Variants in CAST observed in about 807,000 individuals in gnomAD.
CAST encodes MIR583 host.
A neutral mutation model predicts 119.6 loss-of-function variants in CAST; 76 were observed. The ratio of observed to expected loss-of-function variants is 0.64; its 90% CI spans 0.53 to 0.77. CAST has a LOEUF of 0.77. Ranked by LOEUF, CAST falls within the 30% of genes least tolerant of loss-of-function variation. CAST has a pLI of 0.00. For missense variants in CAST, 953 were observed against 946.5 expected (o/e 1.01, Z -0.09); for synonymous variants, 319 against 331.6 (o/e 0.96, Z 0.41).
chr5:96,418,896 A>C, the CAST span, among the ~76,000 whole-genome samples: 2 of 152,138 alleles, frequency 1.3e-5, no homozygotes, highest in African/African-American at 4.8e-5. Flanking sequence ...CCATCGGATG[A>C]TATTATTCTT....
At chr5:96,047,852 G>T in the CAST span, among the ~76,000 whole-genome samples, 4 of 152,166 alleles carry the variant, frequency 2.6e-5, no homozygotes, top group Non-Finnish European at 4.4e-5. Flanking sequence ...AATGAGGGAA[G>T]CCTGCTCTGG....
At chr5:96,510,989 C>G in the CAST span, among the ~76,000 whole-genome samples, 6 of 152,140 alleles carry the variant, frequency 3.9e-5, no homozygotes, top group Admixed American at 3.3e-4. Flanking sequence ...TCCCTCTCTC[C>G]TCTCTCTGAT....
In CAST at chr5:96,767,501, T is replaced by C; in HGVS notation, c.2175+19T>C. On this transcript the variant is annotated intron_variant, in intron 28 of 31. Coordinates refer to ENST00000675179, the MANE Select transcript of CAST (RefSeq NM_001750.7). ...TTCAAAGGTAAAGACCATAGGAACA[T>C]ATTTCCATTAAATTTTGTTTTATTC... 1 of 1,605,712 alleles carries C rather than the reference T, an allele frequency of 6.2e-7. No homozygotes were observed. Among genetic ancestry groups the C allele is most frequent in the South Asian group, 1.1e-5 (1 of 90,694 alleles).
At chr5:96,258,869 A>T in the CAST span, among the ~76,000 whole-genome samples, 6 of 152,246 alleles carry the variant, frequency 3.9e-5, no homozygotes, top group Non-Finnish European at 8.8e-5. Context: ...ACAGGTGAAA[A>T]ATACAATCTT....
At chr5:96,431,640 T>C in the CAST span, among the ~76,000 whole-genome samples, 2 of 152,138 alleles carry the variant, frequency 1.3e-5, no homozygotes, top group South Asian at 2.1e-4. Context: ...CCAATCTGCA[T>C]TGATTTTCCT....
the CAST span, among the ~76,000 whole-genome samples, chr5:96,174,951 C>G: frequency 1.3e-5 from 2 of 152,022 alleles, no homozygotes; most frequent in Non-Finnish European, 2.9e-5. Flanking sequence ...TCTAGGCAAA[C>G]TGATATTAAT....
chr5:96,477,011 T>C, the CAST span, among the ~76,000 whole-genome samples: 1 of 151,188 alleles, frequency 6.6e-6, no homozygotes, highest in Admixed American at 6.6e-5. Context: ...AATTTTCTGT[T>C]TCCTTCAGAG....
At chr5:96,155,228 G>A in the CAST span, among the ~76,000 whole-genome samples, 1 of 152,184 alleles carries the variant, frequency 6.6e-6, no homozygotes, top group South Asian at 2.1e-4. Context: ...AGAAGAGACT[G>A]ACAATTCCTT....
chr5:95,996,776 A>G, the CAST span, among the ~76,000 whole-genome samples: 1 of 152,144 alleles, frequency 6.6e-6, no homozygotes, highest in Non-Finnish European at 1.5e-5. Flanking sequence ...AGGAATCTAC[A>G]TTTTAATATT....
intron 20 of CAST, among the ~76,000 whole-genome samples, chr5:96,750,985 T>C (rs1764925573): frequency 1.3e-5 from 2 of 152,190 alleles, no homozygotes; most frequent in Non-Finnish European, 2.9e-5. Flanking sequence ...TAAGCCTATA[T>C]GGATTTCCAC....
the CAST span, among the ~76,000 whole-genome samples, chr5:96,261,639 A>T: frequency 6.6e-6 from 1 of 152,242 alleles, no homozygotes; most frequent in Non-Finnish European, 1.5e-5. Flanking sequence ...TTAGCATCCA[A>T]GATGGAATTG....
In CAST at chr5:96,738,032, C is replaced by T. The variant is rs2032608335; in HGVS notation, c.798+85C>T. On this transcript the variant is annotated intron_variant, in intron 11 of 31. Coordinates refer to ENST00000675179, the MANE Select transcript of CAST (RefSeq NM_001750.7). ...CATGGTCATGAAGTACAAAAGAATA[C>T]CTAGTGAGGCCAGGCGCAGTGGCTC... 6.5e-6 allele frequency: 5 copies of T among 767,152 alleles called. No homozygotes were observed. In the South Asian group the frequency reaches 7.8e-5, roughly 12 times the overall value. 47.5% of individuals were successfully genotyped at this position (767,152 alleles called of 1,614,324 possible). A position where few individuals can be genotyped will look rare whatever the true frequency, so the allele number is the denominator to read the frequency against.
At chr5:96,187,521 C>G in the CAST span, among the ~76,000 whole-genome samples, 1 of 152,148 alleles carries the variant, frequency 6.6e-6, no homozygotes, top group Non-Finnish European at 1.5e-5. Context: ...TTAGCTGTGT[C>G]GCAGGGATTC....
the CAST span, among the ~76,000 whole-genome samples, chr5:96,216,287 C>T: frequency 6.6e-6 from 1 of 152,130 alleles, no homozygotes; most frequent in Admixed American, 6.5e-5. Context: ...GGATTTTCAA[C>T]TGCAAAGAGG....
the CAST span, among the ~76,000 whole-genome samples, chr5:96,462,258 T>G: frequency 4.6e-5 from 7 of 152,148 alleles, no homozygotes; most frequent in African/African-American, 1.7e-4. Context: ...GGGAACCACT[T>G]GTGTTTTGTC....
At chr5:96,027,806 A>T in the CAST span, among the ~76,000 whole-genome samples, 2 of 152,182 alleles carry the variant, frequency 1.3e-5, no homozygotes, top group Non-Finnish European at 1.5e-5. Flanking sequence ...ATTACTAATT[A>T]AAACCATGAG....
At chr5:96,110,810 G>C in the CAST span, 1 of 152,204 alleles carries the variant, frequency 6.6e-6, no homozygotes, top group Non-Finnish European at 1.5e-5. Context: ...AGCACAATCA[G>C]ATGAGTATAG....
the CAST span, among the ~76,000 whole-genome samples, chr5:96,446,246 C>T: frequency 2.0e-5 from 3 of 150,890 alleles, no homozygotes; most frequent in African/African-American, 4.9e-5. Context: ...ATTTGGTCTA[C>T]ATAAGAATCC....
the CAST span, among the ~76,000 whole-genome samples, chr5:96,141,549 C>T: frequency 1.2e-3 from 188 of 152,278 alleles, 1 homozygote; most frequent in African/African-American, 4.4e-3. Context: ...AACTGCTCTA[C>T]CTGAAGGAGC....
Sources: gnomAD v4.1 joint callset for allele counts (sites outside exome capture counted in the v4.1 genomes callset) on GRCh38, gnomAD v4.1.1 for gene constraint, MANE v1.5 for transcripts, NCBI Gene and HGNC (gene_info 2026-07-23, HGNC 2026-07-21) for gene names.